The following TMC7 variants were observed in gnomAD, a reference collection of about 807,000 sequenced individuals.
The protein encoded by TMC7 is transmembrane channel like 7, also known as transmembrane channel-like protein 7.
A neutral mutation model predicts 82.9 loss-of-function variants in TMC7; 54 were observed. That is an observed-to-expected ratio of 0.65 (90% confidence interval 0.52 to 0.82). The LOEUF (loss-of-function observed/expected upper bound fraction) is 0.82. Among genes scored for constraint, TMC7 ranks in the 40% least tolerant of loss-of-function variants. The probability of loss-of-function intolerance (pLI) is 0.00; values close to 1 mark genes in which losing one functional copy is unlikely to be tolerated. For synonymous variants in TMC7, 350 were observed against 337.9 expected (o/e 1.04, Z -0.39); for missense variants, 820 against 901.2 (o/e 0.91, Z 1.15).
chr16:18,994,314 A>T (rs914649444), intron 1 of TMC7, among the ~76,000 whole-genome samples: 24 of 152,286 alleles, frequency 1.6e-4, no homozygotes, highest in African/African-American at 5.5e-4. Flanking sequence ...CCACATGCAG[A>T]CATGAGGGCT....
At chr16:18,992,136 G>A (rs2038962869) in intron 1 of TMC7, among the ~76,000 whole-genome samples, 1 of 152,096 alleles carries the variant, frequency 6.6e-6, no homozygotes, top group East Asian at 1.9e-4. Flanking sequence ...TGGGTCAAAT[G>A]GTATTTCTAG....
chr16:19,035,516 T>A (rs576942125), intron 6 of TMC7, among the ~76,000 whole-genome samples, 160 bp from the exon 7 acceptor site: 165 of 152,334 alleles, frequency 1.1e-3, no homozygotes, highest in African/African-American at 3.8e-3. Context: ...AGATACCTTG[T>A]TAGCTGCCAC....
intron 14 of TMC7, among the ~76,000 whole-genome samples, chr16:19,057,122 G>A (rs1439743478): frequency 1.3e-5 from 2 of 152,074 alleles, no homozygotes; most frequent in Non-Finnish European, 1.5e-5. Flanking sequence ...CTGGGTGACA[G>A]AATAAGACCC....
intron 1 of TMC7, among the ~76,000 whole-genome samples, chr16:19,000,327 C>T (rs1377505324): frequency 6.6e-6 from 1 of 151,998 alleles, no homozygotes; most frequent in African/African-American, 2.4e-5. Flanking sequence ...ATTAGCCGGG[C>T]GTGGTGGTAC....
chr16:19,009,040 TC>T (rs1266976459), intron 1 of TMC7, 131 bp from the exon 2 acceptor site: 1 of 1,037,714 alleles, frequency 9.6e-7, no homozygotes, highest in Non-Finnish European at 1.4e-6. Flanking sequence ...TAAAATAAGA[TC>T]AAAATGCTGT....
chr16:19,041,284 G>A (rs1046213530), intron 9 of TMC7, among the ~76,000 whole-genome samples: 4 of 151,704 alleles, frequency 2.6e-5, no homozygotes, highest in South Asian at 2.1e-4. Flanking sequence ...TGCTAATCTC[G>A]TTTCCATCCA....
rs773853977 is a variant in TMC7 at position 19,050,322 on chromosome 16, G to A, written c.1741-1364G>A. 5.9e-5 allele frequency among the ~76,000 whole-genome samples: 7 copies of A among 119,132 alleles called. No individual in the cohort carries two copies. In the East Asian group the frequency reaches 1.2e-3, roughly 20 times the overall value. 78.2% of individuals were successfully genotyped at this position (119,132 alleles called of 152,430 possible). A position where few individuals can be genotyped will look rare whatever the true frequency, so the allele number is the denominator to read the frequency against. ...GCGGAGCTTGCAGTGAGCCGAGATC[G>A]CGCTACTACACTCCAGCCTGGGAGA... On this transcript the variant is annotated intron_variant, in intron 12 of 15. Coordinates refer to ENST00000304381, the MANE Select transcript of TMC7 (RefSeq NM_024847.4).
Position 19,029,152 on chromosome 16 carries a change from C to T in TMC7, c.712-1072C>T, listed in dbSNP as rs1046327950. On this transcript the variant is annotated intron_variant, in intron 5 of 15. Coordinates refer to ENST00000304381, the MANE Select transcript of TMC7 (RefSeq NM_024847.4). ...TCCCGAGTAGCTGGGACTACAGGCG[C>T]CCGCCACCACACCCGGCTAATTTTT... Among the ~76,000 whole-genome samples the T allele has an allele frequency of 4.0e-5, 6 of 151,362 alleles. No homozygotes were observed. The East Asian group carries it at 7.9e-4, about 20-fold the overall frequency.
At chr16:18,994,167 C>T (rs1397443520) in intron 1 of TMC7, among the ~76,000 whole-genome samples, 2 of 151,880 alleles carry the variant, frequency 1.3e-5, no homozygotes, top group African/African-American at 2.4e-5. Context: ...CCTGAAGGAG[C>T]TGGGGGGCAG....
intron 11 of TMC7, among the ~76,000 whole-genome samples, chr16:19,046,580 A>T (rs1299134850): frequency 6.6e-6 from 1 of 152,164 alleles, no homozygotes; most frequent in Non-Finnish European, 1.5e-5. Context: ...TCACACCCAT[A>T]ATCCTAGCAC....
intron 1 of TMC7, among the ~76,000 whole-genome samples, chr16:18,989,900 C>G (rs576630803): frequency 1.1e-4 from 17 of 151,794 alleles, no homozygotes; most frequent in African/African-American, 2.7e-4. Flanking sequence ...CATGCGCGTC[C>G]ATGTGAAGAG....
chr16:19,000,319 T>C (rs759310278), intron 1 of TMC7, among the ~76,000 whole-genome samples: 30 of 151,244 alleles, frequency 2.0e-4, no homozygotes, highest in Non-Finnish European at 2.9e-4. Flanking sequence ...TACAAAAAAT[T>C]AGCCGGGCGT....
intron 5 of TMC7, among the ~76,000 whole-genome samples, chr16:19,027,292 C>T (rs1960282047): frequency 2.0e-5 from 3 of 151,794 alleles, no homozygotes; most frequent in Admixed American, 6.6e-5. Flanking sequence ...GTCTTGAACC[C>T]GTGACCTCAA....
intron 12 of TMC7, 123 bp from the exon 13 acceptor site, chr16:19,051,563 T>C: frequency 8.7e-7 from 1 of 1,144,368 alleles, no homozygotes; most frequent in Non-Finnish European, 1.2e-6. Context: ...TCTGTATTGC[T>C]GGACTACCCT....
chr16:18,986,287 C>A (rs1175966655), intron 1 of TMC7, among the ~76,000 whole-genome samples: 1 of 146,752 alleles, frequency 6.8e-6, no homozygotes. Flanking sequence ...CCCAGCTACT[C>A]GGGAGGCTGA....
chr16:18,989,980 A>C (rs2038920979), intron 1 of TMC7, among the ~76,000 whole-genome samples: 1 of 152,040 alleles, frequency 6.6e-6, no homozygotes, highest in Admixed American at 6.6e-5. Context: ...GCTGAGTCCG[A>C]AAAGAGAGTC....
At chr16:18,993,476 C>A (rs2038985944) in intron 1 of TMC7, among the ~76,000 whole-genome samples, 1 of 152,098 alleles carries the variant, frequency 6.6e-6, no homozygotes, top group Non-Finnish European at 1.5e-5. Context: ...TAGGTGGAAA[C>A]TTCAGTAGAA....
intron 14 of TMC7, among the ~76,000 whole-genome samples, chr16:19,059,180 A>C (rs933528064): frequency 6.6e-6 from 1 of 151,930 alleles, no homozygotes; most frequent in Non-Finnish European, 1.5e-5. Flanking sequence ...GCCCGGCCAT[A>C]TTTTATTTTT....
intron 1 of TMC7, among the ~76,000 whole-genome samples, chr16:18,986,074 A>G (rs953096983): frequency 3.3e-5 from 5 of 151,252 alleles, no homozygotes; most frequent in Admixed American, 3.3e-4. Flanking sequence ...AAATGATAAA[A>G]CAGATCACTC....
Sources: allele counts gnomAD v4.1 joint callset (sites outside exome capture counted in the v4.1 genomes callset), GRCh38; gene constraint gnomAD v4.1.1; transcripts MANE v1.5; gene names NCBI Gene and HGNC (gene_info 2026-07-23, HGNC 2026-07-21).